Variants in TNFRSF19 observed in about 807,000 individuals in gnomAD.
TNFRSF19 encodes tumor necrosis factor receptor superfamily member 19.
In TNFRSF19, 27 loss-of-function variants were observed where a neutral mutation model predicts 46.4. The ratio of observed to expected loss-of-function variants is 0.58; its 90% confidence interval spans 0.43 to 0.80. TNFRSF19 has a LOEUF of 0.80. Ranked by LOEUF, TNFRSF19 falls within the 30% of genes least tolerant of loss-of-function variation. The pLI, the probability that TNFRSF19 is intolerant of heterozygous loss-of-function variation, is 0.00. For missense variants in TNFRSF19, 511 were observed against 530.8 expected, an observed-to-expected ratio of 0.96 and a Z score of 0.37; for synonymous variants, 204 against 205.0, an observed-to-expected ratio of 1.00 and a Z score of 0.04.
chr13:23,673,276 G>C (rs1271387492), intron 9 of TNFRSF19, 96 bp from the exon 10 acceptor site: 1 of 1,394,216 alleles, frequency 7.2e-7, no homozygotes, highest in African/African-American at 1.4e-5. Flanking sequence ...TATACTACTA[G>C]TAAAAGTTAT....
intron 3 of TNFRSF19, among the ~76,000 whole-genome samples, chr13:23,608,601 A>T (rs1880671796): frequency 3.3e-5 from 5 of 152,188 alleles, no homozygotes; most frequent in Admixed American, 2.6e-4. Context: ...CTCTGATAGA[A>T]CTGTCTGTGA....
rs995339330 is a variant in TNFRSF19 at position 23,586,833 on chromosome 13, G to A, written c.-34-3317G>A. Among the ~76,000 whole-genome samples, 9 of 152,176 alleles carry A rather than the reference G, an allele frequency of 5.9e-5. No individual in the cohort carries two copies. In the South Asian group the frequency reaches 8.3e-4, roughly 14 times the overall value. On this transcript the variant is annotated intron_variant, in intron 1 of 9. Transcript: ENST00000248484. ...CTTTGCATGCTCCTGATACTGCCAA[G>A]CTGCGTATTGTTGTTGAATAGCAGA...
At chr13:23,642,108 CTA>C (rs1343525282) in intron 5 of TNFRSF19, among the ~76,000 whole-genome samples, 2 of 152,180 alleles carry the variant, frequency 1.3e-5, no homozygotes, top group Non-Finnish European at 2.9e-5. Context: ...ATAACAGTGT[CTA>C]TGTCTTTTAT....
intron 5 of TNFRSF19, among the ~76,000 whole-genome samples, chr13:23,638,382 G>T (rs539366291): frequency 6.6e-6 from 1 of 152,194 alleles, no homozygotes; most frequent in African/African-American, 2.4e-5. Flanking sequence ...GCAGTGAGTT[G>T]CTCCGGCATA....
At chr13:23,575,124 A>G (rs2138131301) in intron 1 of TNFRSF19, among the ~76,000 whole-genome samples, 1 of 152,338 alleles carries the variant, frequency 6.6e-6, no homozygotes, top group East Asian at 1.9e-4. Flanking sequence ...CCTGGCCTCA[A>G]GCCAGCCCTA....
intron 9 of TNFRSF19, among the ~76,000 whole-genome samples, chr13:23,672,529 G>A (rs898847415): frequency 8.5e-5 from 13 of 152,190 alleles, no homozygotes; most frequent in Non-Finnish European, 1.8e-4. Flanking sequence ...AAGGGTTCAT[G>A]TAGTTATTAT....
intron 3 of TNFRSF19, among the ~76,000 whole-genome samples, chr13:23,597,132 A>G (rs1331380947): frequency 2.6e-5 from 4 of 152,230 alleles, no homozygotes; most frequent in Non-Finnish European, 5.9e-5. Flanking sequence ...AAATGCCCAC[A>G]GGAGAAAGTG....
At chr13:23,591,188 C>T (rs1046550721) in intron 2 of TNFRSF19, among the ~76,000 whole-genome samples, 1 of 152,196 alleles carries the variant, frequency 6.6e-6, no homozygotes, top group Non-Finnish European at 1.5e-5. Flanking sequence ...TGCTGTGGCT[C>T]ATGCTTGTAA....
rs544006252 is a variant in TNFRSF19 at position 23,675,077 on chromosome 13, C to CTT, written c.*1703_*1704dup. On this transcript the variant is annotated 3_prime_UTR_variant, in exon 10 of 10. Transcript: ENST00000248484. ...TTAATTGACTTTTCCTGTATTACTT[C>CTT]TTTTTTTAAGTATAAACCAATGATC... 310 of 152,240 alleles carry CTT rather than the reference C, an allele frequency of 2.0e-3. 2 individuals carry two copies. The highest frequency in any genetic ancestry group is 7.2e-3 in the African/African-American group (297 of 41,536). 9.4% of individuals were successfully genotyped at this position (152,240 alleles called of 1,614,324 possible).
intron 3 of TNFRSF19, among the ~76,000 whole-genome samples, chr13:23,613,071 T>C (rs1345143105): frequency 6.6e-6 from 1 of 152,238 alleles, no homozygotes; most frequent in African/African-American, 2.4e-5. Flanking sequence ...TTTGAAAGAT[T>C]CTTAGTCAAT....
chr13:23,597,773 A>C (rs1265712393), intron 3 of TNFRSF19, among the ~76,000 whole-genome samples: 2 of 152,218 alleles, frequency 1.3e-5, no homozygotes, highest in Admixed American at 6.5e-5. Flanking sequence ...CTGATATCAA[A>C]ACCTGGCAGA....
At chr13:23,629,990 A>G (rs1196750517) in intron 5 of TNFRSF19, among the ~76,000 whole-genome samples, 1 of 152,084 alleles carries the variant, frequency 6.6e-6, no homozygotes, top group African/African-American at 2.4e-5. Context: ...AGTGGGTTCC[A>G]TGGAGTTTTG....
At chr13:23,591,222 G>A (rs1879259435) in intron 2 of TNFRSF19, among the ~76,000 whole-genome samples, 1 of 152,216 alleles carries the variant, frequency 6.6e-6, no homozygotes, top group African/African-American at 2.4e-5. Flanking sequence ...GGAGGCCGAG[G>A]CAGGTGGATC....
intron 3 of TNFRSF19, among the ~76,000 whole-genome samples, chr13:23,605,398 A>G (rs1463569385): frequency 1.3e-5 from 2 of 152,218 alleles, no homozygotes; most frequent in South Asian, 2.1e-4. Flanking sequence ...TTGGAAGACA[A>G]CTTGGCAGTG....
intron 3 of TNFRSF19, among the ~76,000 whole-genome samples, chr13:23,604,982 T>C (rs960047741): frequency 6.6e-6 from 1 of 152,128 alleles, no homozygotes; most frequent in African/African-American, 2.4e-5. Context: ...TTAATTAAAA[T>C]TGAAAATTTC....
intron 5 of TNFRSF19, among the ~76,000 whole-genome samples, chr13:23,642,682 T>G (rs1883097982): frequency 6.6e-6 from 1 of 152,230 alleles, no homozygotes; most frequent in Non-Finnish European, 1.5e-5. Context: ...TTATCACACA[T>G]GGACCAGTGG....
intron 4 of TNFRSF19, among the ~76,000 whole-genome samples, chr13:23,619,904 C>T (rs114823428): frequency 7.2e-5 from 11 of 152,216 alleles, no homozygotes; most frequent in African/African-American, 2.2e-4. Context: ...GGGACTCCAC[C>T]GTGCCTGGTT....
intron 9 of TNFRSF19, among the ~76,000 whole-genome samples, chr13:23,672,069 G>A (rs1418398810): frequency 8.5e-5 from 13 of 152,170 alleles, no homozygotes; most frequent in Admixed American, 7.9e-4. Flanking sequence ...CTGTCTTTAC[G>A]TGGTGTAAGG....
At chr13:23,617,958 G>T (rs532754959) in intron 4 of TNFRSF19, among the ~76,000 whole-genome samples, 5 of 152,242 alleles carry the variant, frequency 3.3e-5, no homozygotes, top group Non-Finnish European at 7.4e-5. Context: ...GATGTCCCGG[G>T]GGTGGGGTCT....
Sources: gnomAD v4.1 joint callset for allele counts (sites outside exome capture counted in the v4.1 genomes callset) on GRCh38, gnomAD v4.1.1 for gene constraint, MANE v1.5 for transcripts, NCBI Gene and HGNC (gene_info 2026-07-23, HGNC 2026-07-21) for gene names.